The following GNG7 variants were observed in gnomAD, a reference collection of about 807,000 sequenced individuals.
The protein encoded by GNG7 is G protein subunit gamma 7.
In GNG7, 1 loss-of-function variant was observed where a neutral mutation model predicts 4.0. The ratio of observed to expected loss-of-function variants is 0.25; its 90% CI spans 0.09 to 1.18. The LOEUF (loss-of-function observed/expected upper bound fraction) is 1.18. GNG7 is among the 50% of genes most tolerant of loss of function. GNG7 has a pLI of 0.50. For missense variants in GNG7, 86 were observed against 91.9 expected (o/e 0.94, Z 0.26); for synonymous variants, 34 against 36.9 (o/e 0.92, Z 0.29).
Position 2,633,485 on chromosome 19 carries a change from G to GCGCA in GNG7, c.-78+12735_-78+12738dup, listed in dbSNP as rs1310429087. 1.5e-5 allele frequency among the ~76,000 whole-genome samples: 2 copies of GCGCA among 131,986 alleles called. No individual in the cohort carries two copies. Among genetic ancestry groups the GCGCA allele is most frequent in the Admixed American group, 1.5e-4 (2 of 13,386 alleles). 86.6% of individuals were successfully genotyped at this position (131,986 alleles called of 152,430 possible). On this transcript the variant is annotated intron_variant, in intron 2 of 4. Transcript: ENST00000382159. The surrounding 1 kb of genome is among the most constrained non-coding windows in gnomAD (Gnocchi z 5.9). Reference sequence around the variant, plus strand: ...CTTAGCAACAGGCGCGCGCGCGCGCGCGCACACACACACACACACACACAC... The same window carrying GCGCA: ...CTTAGCAACAGGCGCGCGCGCGCGCGCGCACGCACACACACACACACACACACAC...
intron 2 of GNG7, among the ~76,000 whole-genome samples, chr19:2,591,303 T>A (rs1028749300): frequency 2.6e-5 from 4 of 152,214 alleles, no homozygotes; most frequent in African/African-American, 9.7e-5. Context: ...CCAATACTAT[T>A]TGCCAACATA....
intron 4 of GNG7, among the ~76,000 whole-genome samples, chr19:2,518,466 G>C (rs775963857): frequency 7.2e-5 from 11 of 152,206 alleles, no homozygotes; most frequent in Non-Finnish European, 1.0e-4. Flanking sequence ...ACACCTCGTG[G>C]GAGGCAGACC....
intron 1 of GNG7, among the ~76,000 whole-genome samples, chr19:2,687,672 G>T (rs1031923592): frequency 6.6e-6 from 1 of 151,936 alleles, no homozygotes; most frequent in Non-Finnish European, 1.5e-5. Flanking sequence ...CCACCAGCCT[G>T]GCCAAGAAGT....
At chr19:2,554,427 C>G (rs1398647317) in intron 3 of GNG7, among the ~76,000 whole-genome samples, 2 of 149,380 alleles carry the variant, frequency 1.3e-5, no homozygotes, top group Non-Finnish European at 3.0e-5. Flanking sequence ...CACTGCAACC[C>G]CGAACTCCTG....
chr19:2,650,183 CTTTT>C (rs529803793), intron 1 of GNG7, among the ~76,000 whole-genome samples: 3 of 125,988 alleles, frequency 2.4e-5, no homozygotes, highest in Admixed American at 8.3e-5. Flanking sequence ...TCATAGGAAT[CTTTT>C]TTTTTTTTTT....
At chr19:2,516,114 G>C (rs970210376) in intron 4 of GNG7, among the ~76,000 whole-genome samples, 1 of 151,928 alleles carries the variant, frequency 6.6e-6, no homozygotes, top group African/African-American at 2.4e-5. Context: ...CTAACTGGGG[G>C]GCTGAGGCTG....
rs915263405 is a variant in GNG7, at chr19:2,659,005, T to A, written c.-134-12725A>T. ...TTTTTTTTGAAATGGAGTCTCGCTC[T>A]GTCACCCAGGCTGGAGGGCAGTGGC... On this transcript the variant is annotated intron_variant, in intron 1 of 4. Transcript: ENST00000382159. Among the ~76,000 whole-genome samples, 93 of 151,418 alleles carry A rather than the reference T, an allele frequency of 6.1e-4. 1 individual carries two copies. Among genetic ancestry groups the A allele is most frequent in the African/African-American group, 2.2e-3 (89 of 41,220 alleles).
intron 2 of GNG7, among the ~76,000 whole-genome samples, chr19:2,635,009 TTA>T (rs1435855367): frequency 1.3e-5 from 2 of 152,202 alleles, no homozygotes; most frequent in East Asian, 3.8e-4. Context: ...GAAGAAATGC[TTA>T]TCCTGGAAGA....
chr19:2,532,793 A>G (rs1462150876), intron 3 of GNG7, among the ~76,000 whole-genome samples: 1 of 152,200 alleles, frequency 6.6e-6, no homozygotes, highest in Non-Finnish European at 1.5e-5. Context: ...GACTGACAAC[A>G]CTAAATATTT....
intron 1 of GNG7, among the ~76,000 whole-genome samples, chr19:2,659,310 G>A (rs1478673232): frequency 1.3e-5 from 2 of 149,676 alleles, no homozygotes; most frequent in Non-Finnish European, 3.0e-5. Flanking sequence ...CGGGCGCGGT[G>A]GCTCACGTCT....
chr19:2,538,153 A>G (rs1345746220), intron 3 of GNG7: 1 of 456,698 alleles, frequency 2.2e-6, no homozygotes, highest in East Asian at 6.9e-5. Flanking sequence ...GGAGGCCCTG[A>G]TGCCATGGAT....
intron 2 of GNG7, among the ~76,000 whole-genome samples, chr19:2,594,352 G>C (rs1286578258): frequency 2.0e-5 from 3 of 151,210 alleles, no homozygotes; most frequent in Admixed American, 1.3e-4. Flanking sequence ...TCCAGCCTAG[G>C]CGACAGAGTG....
intron 1 of GNG7, among the ~76,000 whole-genome samples, chr19:2,669,870 C>T (rs565808960): frequency 4.6e-5 from 7 of 151,884 alleles, no homozygotes; most frequent in African/African-American, 1.2e-4. Flanking sequence ...ATTAGCCAGG[C>T]GTGGTGGCGG....
intron 1 of GNG7, among the ~76,000 whole-genome samples, chr19:2,667,599 G>A (rs923321115): frequency 6.6e-6 from 1 of 152,066 alleles, no homozygotes; most frequent in African/African-American, 2.4e-5. Flanking sequence ...ACAACACAGT[G>A]AGACCCCATC....
intron 2 of GNG7, among the ~76,000 whole-genome samples, chr19:2,622,211 C>A (rs995397295): frequency 6.6e-6 from 1 of 152,054 alleles, no homozygotes; most frequent in African/African-American, 2.4e-5. Flanking sequence ...TCCTGAGTAG[C>A]TGGGACTACA....
At chr19:2,601,434 A>C (rs75107074) in intron 2 of GNG7, among the ~76,000 whole-genome samples, 1 of 152,118 alleles carries the variant, frequency 6.6e-6, no homozygotes, top group Non-Finnish European at 1.5e-5. Context: ...TTGCAGATAC[A>C]TGTACATGCT....
chr19:2,568,576 C>T, intron 2 of GNG7, among the ~76,000 whole-genome samples: 1 of 146,200 alleles, frequency 6.8e-6, no homozygotes, highest in Non-Finnish European at 1.5e-5. Flanking sequence ...CACACATACA[C>T]ATGCACAAAT....
At chr19:2,683,132 G>A (rs781394495) in intron 1 of GNG7, among the ~76,000 whole-genome samples, 19 of 152,002 alleles carry the variant, frequency 1.2e-4, no homozygotes, top group Non-Finnish European at 2.6e-4. Context: ...CCAGCTACTC[G>A]GGACGCTGAG....
rs574687922 is a variant in GNG7 at position 2,658,684 on chromosome 19, A to G, written c.-134-12404T>C. ...GATGCAAAAGGACAAATCCTGTGTA[A>G]CTCCACGCTTAGGAGGTCCCTAGAG... On this transcript the variant is annotated intron_variant, in intron 1 of 4. Transcript: ENST00000382159. Among the ~76,000 whole-genome samples, 5 of 152,318 alleles carry G rather than the reference A, an allele frequency of 3.3e-5. No individual in the cohort carries two copies. In the East Asian group the frequency reaches 9.6e-4, roughly 29 times the overall value.
Sources: gnomAD v4.1 joint callset for allele counts (sites outside exome capture counted in the v4.1 genomes callset) on GRCh38, gnomAD v4.1.1 for gene constraint, Gnocchi (gnomAD v3.1) non-coding constraint, MANE v1.5 for transcripts, NCBI Gene and HGNC (gene_info 2026-07-23, HGNC 2026-07-21) for gene names.